Variants in ZNF248 observed in about 807,000 individuals in gnomAD.
ZNF248 encodes KRAB protein domain.
In ZNF248, 20 loss-of-function variants were observed where a neutral mutation model predicts 44.3. That is an observed-to-expected ratio of 0.45 (90% CI 0.32 to 0.66). ZNF248 has a LOEUF of 0.66. ZNF248 is among the 30% of genes least tolerant of loss of function. The pLI is 0.04. For missense variants in ZNF248, 654 were observed against 677.0 expected (o/e 0.97, Z 0.38); for synonymous variants, 224 against 229.0 (o/e 0.98, Z 0.20).
the ZNF248 span, among the ~76,000 whole-genome samples, chr10:37,770,587 G>C: frequency 1.2e-3 from 189 of 152,256 alleles, no homozygotes; most frequent in African/African-American, 4.3e-3. Flanking sequence ...AGCTGAAACT[G>C]GATCCCTTCC....
chr10:37,782,350 A>T (rs1201103278), intron 6 of ZNF248, among the ~76,000 whole-genome samples: 1 of 152,196 alleles, frequency 6.6e-6, no homozygotes, highest in African/African-American at 2.4e-5. Flanking sequence ...TATTATATTT[A>T]GATAAGATGC....
intron 4 of ZNF248, 36 bp from the exon 5 acceptor site, chr10:37,837,748 T>C (rs371168194): frequency 6.9e-6 from 11 of 1,590,970 alleles, no homozygotes; most frequent in South Asian, 1.1e-5. Flanking sequence ...TAGAGCTAAA[T>C]AGCTTGGTTT....
At chr10:37,856,183 C>A in intron 3 of ZNF248, 113 bp downstream of exon 3, 1 of 1,230,838 alleles carries the variant, frequency 8.1e-7, no homozygotes. Flanking sequence ...GTTTTATTTC[C>A]CTTAATGTCA....
At chr10:37,826,933 A>T (rs2054476936), downstream of ZNF248, among the ~76,000 whole-genome samples, 1 of 152,210 alleles carries the variant, frequency 6.6e-6, no homozygotes, top group South Asian at 2.1e-4. Flanking sequence ...TGCATGGAAA[A>T]AGGCCCAGAC....
Position 37,833,082 on chromosome 10 carries a change from G to T in ZNF248, c.273C>A (p.Ser91Arg). The change falls in exon 6 of 6, where the codon AGC (serine) becomes AGA (arginine). Residue 91 changes from serine to arginine, a missense_variant. Coordinates refer to ENST00000395867, the MANE Select transcript of ZNF248 (RefSeq NM_021045.3). ...RKWKVDDVLE[S>R]SQENEDDHFW... Reference sequence around the variant, plus strand: ...AATGGTCATCTTCATTTTCCTGGCTGCTCTCTAACACGTCATCAACTTTCC... The same window carrying T: ...AATGGTCATCTTCATTTTCCTGGCTTCTCTCTAACACGTCATCAACTTTCC... 3.1e-6 allele frequency: 5 copies of T among 1,609,158 alleles called. No individual in the cohort carries two copies. Among genetic ancestry groups the T allele is most frequent in the Non-Finnish European group, 4.2e-6 (5 of 1,178,336 alleles).
At chr10:37,788,173 G>A (rs536675106) in intron 6 of ZNF248, among the ~76,000 whole-genome samples, 1 of 151,172 alleles carries the variant, frequency 6.6e-6, no homozygotes, top group African/African-American at 2.4e-5. Flanking sequence ...GCTGAGGCAG[G>A]AGAATCGCTT....
At chr10:37,817,910 T>TTATTTATTTATA (rs1433841273) in intron 6 of ZNF248, among the ~76,000 whole-genome samples, 3 of 151,976 alleles carry the variant, frequency 2.0e-5, no homozygotes, top group Non-Finnish European at 4.4e-5. Flanking sequence ...TTTTTATTTA[T>TTATTTATTTATA]TATTTATTTA....
At chr10:37,768,838 T>C in the ZNF248 span, among the ~76,000 whole-genome samples, 715 of 152,172 alleles carry the variant, frequency 4.7e-3, 8 homozygotes, top group African/African-American at 0.016. Context: ...CAGGAGCTGG[T>C]TTTTTGAAAG....
intron 6 of ZNF248, chr10:37,803,575 C>A (rs965377224): frequency 6.6e-6 from 1 of 152,302 alleles, no homozygotes; most frequent in African/African-American, 2.4e-5. Context: ...TCTTTCCTGG[C>A]CTTTTCCACT....
rs1292940283 is a variant in ZNF248, at chr10:37,820,428, T to C, written c.330+12597A>G. ...GTTGGCAGAGCAGACTGCTCCTCCG[T>C]TGCCTCCTTTGCAGTGCTGCCATCT... On this transcript the variant is annotated intron_variant, in intron 6 of 6. Coordinates refer to the ZNF248 transcript ENST00000615949. 1.9e-5 allele frequency: 30 copies of C among 1,556,464 alleles called. No individual in the cohort carries two copies. The East Asian group carries it at 6.7e-4, about 35-fold the overall frequency.
chr10:37,835,936 T>C (rs937195239), intron 5 of ZNF248, among the ~76,000 whole-genome samples: 3 of 152,198 alleles, frequency 2.0e-5, no homozygotes, highest in African/African-American at 4.8e-5. Context: ...ATAAGAGTTA[T>C]CTCCAACTTC....
intron 6 of ZNF248, among the ~76,000 whole-genome samples, chr10:37,808,441 C>T (rs1239970608): frequency 2.6e-5 from 4 of 152,092 alleles, no homozygotes; most frequent in African/African-American, 9.6e-5. Context: ...CCCCACCACA[C>T]CTGGTTGATT....
chr10:37,806,727 A>G (rs1275137856), intron 6 of ZNF248, among the ~76,000 whole-genome samples: 1 of 152,160 alleles, frequency 6.6e-6, no homozygotes, highest in Non-Finnish European at 1.5e-5. Context: ...TTTAAAAAAC[A>G]TAAAAGCGTT....
chr10:37,785,626 C>T (rs2047798792), intron 6 of ZNF248, among the ~76,000 whole-genome samples: 1 of 152,152 alleles, frequency 6.6e-6, no homozygotes, highest in African/African-American at 2.4e-5. Flanking sequence ...TTCCCTGTGA[C>T]AGAGTATCAG....
chr10:37,765,158 T>A, the ZNF248 span, among the ~76,000 whole-genome samples: 4 of 152,078 alleles, frequency 2.6e-5, no homozygotes, highest in African/African-American at 9.7e-5. Flanking sequence ...GGTTTCTCCA[T>A]GTCAGCCAGG....
Position 37,830,212 on chromosome 10 carries a change from A to G in ZNF248, c.*1403T>C. On this transcript the variant is annotated 3_prime_UTR_variant, in exon 6 of 6. Transcript: ENST00000395867. ...CTGCTTGTTAACCTTTGCATAATTTATGTAAAAACCATTCTTATTAACAAC... is the reference window on the plus strand; with the variant it reads ...CTGCTTGTTAACCTTTGCATAATTTGTGTAAAAACCATTCTTATTAACAAC... The G allele has an allele frequency of 4.1e-6, 4 of 985,382 alleles. No homozygotes were observed. Among genetic ancestry groups the G allele is most frequent in the Non-Finnish European group, 4.8e-6 (4 of 829,918 alleles). The allele number at this position is 985,382 out of a possible 1,614,324, so 61.0% of individuals were successfully genotyped here.
intron 3 of ZNF248, among the ~76,000 whole-genome samples, chr10:37,847,824 G>C (rs1340546924): frequency 6.6e-6 from 1 of 152,192 alleles, no homozygotes; most frequent in African/African-American, 2.4e-5. Context: ...AACTGGGGAA[G>C]CTGAGAATGG....
In ZNF248 at chr10:37,830,598, T is replaced by TTTCATA. The variant is rs2055358185; in HGVS notation, c.*1011_*1016dup. ...ATGTGGTTTGTATTGCCAAATACGT[T>TTTCATA]TTCATATATACACAGTGATGTGCTG... On this transcript the variant is annotated 3_prime_UTR_variant, in exon 6 of 6. Transcript: ENST00000395867. The TTTCATA allele has an allele frequency of 1.0e-6, 1 of 985,200 alleles. No homozygotes were observed. The highest frequency in any genetic ancestry group is 4.7e-5 in the South Asian group (1 of 21,282). The allele number at this position is 985,200 out of a possible 1,614,324, so 61.0% of individuals were successfully genotyped here. A position where few individuals can be genotyped will look rare whatever the true frequency, so the allele number is the denominator to read the frequency against.
chr10:37,854,024 A>AGTTTT (rs1432168180), intron 3 of ZNF248, among the ~76,000 whole-genome samples: 247 of 152,338 alleles, frequency 1.6e-3, no homozygotes, highest in East Asian at 0.014. Context: ...CATCAAAACA[A>AGTTTT]CAGCACACAT....
Sources: allele counts gnomAD v4.1 joint callset (sites outside exome capture counted in the v4.1 genomes callset), GRCh38; gene constraint gnomAD v4.1.1; transcripts MANE v1.5; gene names NCBI Gene and HGNC (gene_info 2026-07-23, HGNC 2026-07-21).